RASSF3: variants seen among roughly 807,000 people sequenced by gnomAD.
RASSF3 encodes the protein Ras association domain family member 3.
Under a neutral mutation model 19.9 loss-of-function variants are expected in RASSF3, and 19 were observed. The observed-to-expected ratio is 0.96, with a 90% CI of 0.67 to 1.40. RASSF3 has a LOEUF of 1.40. Ranked by LOEUF, RASSF3 falls within the 40% of genes most tolerant of loss-of-function variation. The pLI is 0.00. For missense variants in RASSF3, 306 were observed against 289.8 expected, an observed-to-expected ratio of 1.06 and a Z score of -0.41; for synonymous variants, 110 against 104.2, an observed-to-expected ratio of 1.06 and a Z score of -0.34.
intron 1 of RASSF3, among the ~76,000 whole-genome samples, chr12:64,666,283 A>T (rs1296543472): frequency 1.3e-5 from 2 of 152,206 alleles, no homozygotes; most frequent in Admixed American, 6.5e-5. Flanking sequence ...TTTATTTTCT[A>T]TGTAGGATGA....
chr12:64,594,229 G>C (rs569171159), intron 2 of RASSF3, among the ~76,000 whole-genome samples: 9 of 151,982 alleles, frequency 5.9e-5, no homozygotes, highest in Admixed American at 5.9e-4. Context: ...AGCTACTCAG[G>C]AAGCTGAGGT....
chr12:64,648,593 C>T (rs936089265), intron 1 of RASSF3, among the ~76,000 whole-genome samples: 2 of 151,748 alleles, frequency 1.3e-5, no homozygotes, highest in African/African-American at 4.8e-5. Context: ...AGCGATTATC[C>T]TGCCTCAGCC....
At chr12:64,574,867 T>A (rs144741694) in intron 2 of RASSF3, among the ~76,000 whole-genome samples, 1 of 152,366 alleles carries the variant, frequency 6.6e-6, no homozygotes, top group Non-Finnish European at 1.5e-5. Context: ...AAGTATCTAT[T>A]GTTATATATC....
At chr12:64,610,276 G>A (rs533936107), upstream of RASSF3, among the ~76,000 whole-genome samples, 919 of 152,054 alleles carry the variant, frequency 6.0e-3, 7 homozygotes, top group Non-Finnish European at 0.011. Flanking sequence ...CCGGCTTTCC[G>A]GGTTCCGCGA....
intron 2 of RASSF3, among the ~76,000 whole-genome samples, chr12:64,577,826 T>A (rs73317580): frequency 1.6e-3 from 247 of 152,358 alleles, no homozygotes; most frequent in African/African-American, 5.6e-3. Context: ...ATTGGGCACC[T>A]GTTGTGGACA....
upstream of RASSF3, among the ~76,000 whole-genome samples, chr12:64,528,958 C>T (rs984717479): frequency 6.6e-6 from 1 of 152,202 alleles, no homozygotes; most frequent in Non-Finnish European, 1.5e-5. Flanking sequence ...CCTTTCGGAA[C>T]CTCAGTTCCC....
upstream of RASSF3, among the ~76,000 whole-genome samples, chr12:64,606,024 A>G (rs7314895): frequency 6.1e-3 from 921 of 152,162 alleles, 10 homozygotes; most frequent in African/African-American, 0.021. Flanking sequence ...CATGGTGTCT[A>G]TTTTGTCCAC....
chr12:64,692,263 A>G (rs1868297369), intron 4 of RASSF3, among the ~76,000 whole-genome samples: 1 of 152,170 alleles, frequency 6.6e-6, no homozygotes, highest in African/African-American at 2.4e-5. Context: ...ATGGTGTGAA[A>G]TGTCCTACAT....
intron 2 of RASSF3, among the ~76,000 whole-genome samples, chr12:64,595,479 C>T (rs561778519): frequency 6.6e-6 from 1 of 152,178 alleles, no homozygotes; most frequent in Non-Finnish European, 1.5e-5. Context: ...TTCTCCAGGA[C>T]TTATTAAATG....
At chr12:64,532,196 C>A (rs373548019), upstream of RASSF3, among the ~76,000 whole-genome samples, 1 of 152,074 alleles carries the variant, frequency 6.6e-6, no homozygotes, top group Non-Finnish European at 1.5e-5. Context: ...GATGGATTGC[C>A]GACTGCGAGT....
intron 2 of RASSF3, among the ~76,000 whole-genome samples, chr12:64,570,275 T>C (rs990363576): frequency 2.6e-5 from 4 of 152,238 alleles, no homozygotes; most frequent in Non-Finnish European, 2.9e-5. Context: ...ATGCTGATTA[T>C]ACAGATTTCT....
At chr12:64,626,855 A>G (rs1034835724) in intron 1 of RASSF3, among the ~76,000 whole-genome samples, 1 of 152,220 alleles carries the variant, frequency 6.6e-6, no homozygotes, top group Non-Finnish European at 1.5e-5. Context: ...GTATGCCACC[A>G]TGCTCATCCA....
intron 1 of RASSF3, among the ~76,000 whole-genome samples, chr12:64,509,233 T>G (rs1592382995): frequency 6.6e-6 from 1 of 152,248 alleles, no homozygotes; most frequent in South Asian, 2.1e-4. Flanking sequence ...GTGGATCACT[T>G]GAGGTCAGGA....
intron 2 of RASSF3, among the ~76,000 whole-genome samples, chr12:64,569,604 G>A (rs141566366): frequency 3.9e-3 from 597 of 152,326 alleles, no homozygotes; most frequent in African/African-American, 0.013. Context: ...CCAAGAATAC[G>A]AGTATCTTAA....
intron 2 of RASSF3, among the ~76,000 whole-genome samples, chr12:64,574,978 AG>A (rs1869572917): frequency 6.6e-6 from 1 of 152,234 alleles, no homozygotes; most frequent in Admixed American, 6.5e-5. Context: ...AAATGCTAAA[AG>A]CTTTCCTCTG....
chr12:64,639,813 A>G (rs917893550), intron 1 of RASSF3, among the ~76,000 whole-genome samples: 2 of 152,196 alleles, frequency 1.3e-5, no homozygotes, highest in Non-Finnish European at 2.9e-5. Context: ...CTATTATGGT[A>G]TAGTTGCTTC....
chr12:64,650,408 C>CTTTTTTTTTTTT (rs67304103), intron 1 of RASSF3, among the ~76,000 whole-genome samples: 3 of 85,468 alleles, frequency 3.5e-5, no homozygotes, highest in Non-Finnish European at 4.2e-5. Context: ...TTTTTTTTTC[C>CTTTTTTTTTTTT]TTTTTTTTTT....
intron 1 of RASSF3, among the ~76,000 whole-genome samples, chr12:64,614,322 C>T (rs569465362): frequency 6.6e-6 from 1 of 152,090 alleles, no homozygotes. Context: ...GAGACGGGGT[C>T]TCACCATGTT....
intron 1 of RASSF3, among the ~76,000 whole-genome samples, chr12:64,679,800 A>G (rs552995121): frequency 1.3e-5 from 2 of 152,308 alleles, no homozygotes; most frequent in African/African-American, 4.8e-5. Context: ...GGTTTGGGGA[A>G]TACAAAACAA....
Sources: gnomAD v4.1 joint callset for allele counts (sites outside exome capture counted in the v4.1 genomes callset) on GRCh38, gnomAD v4.1.1 for gene constraint, MANE v1.5 for transcripts, NCBI Gene and HGNC (gene_info 2026-07-23, HGNC 2026-07-21) for gene names.